Variants in FOXP2 observed in about 807,000 individuals in gnomAD.
The protein encoded by FOXP2 is forkhead box protein P2.
FOXP2 carries 12 observed loss-of-function variants against 115.8 expected under a neutral mutation model. The ratio of observed to expected loss-of-function variants is 0.10; its 90% CI spans 0.07 to 0.17. FOXP2 has a LOEUF of 0.17. Ranked by LOEUF, FOXP2 falls within the 10% of genes least tolerant of loss-of-function variation. FOXP2 has a pLI of 1.00. For synonymous variants in FOXP2, 328 were observed against 297.7 expected (o/e 1.10, Z -1.05); for missense variants, 629 against 843.5 (o/e 0.75, Z 3.15).
intron 3 of FOXP2, among the ~76,000 whole-genome samples, chr7:114,574,521 G>C (rs952746860): frequency 9.2e-5 from 14 of 151,666 alleles, no homozygotes; most frequent in Non-Finnish European, 1.5e-4. Flanking sequence ...TTACAAATGA[G>C]TAACTCTGCC....
At chr7:114,645,801 C>G (rs1287895562) in intron 8 of FOXP2, 2 of 152,106 alleles carry the variant, frequency 1.3e-5, no homozygotes, top group Admixed American at 1.3e-4. Context: ...GGCACAAGTA[C>G]TTGGCATCAC....
At chr7:114,662,971 G>A (rs1806956514) in intron 14 of FOXP2, among the ~76,000 whole-genome samples, 1 of 152,014 alleles carries the variant, frequency 6.6e-6, no homozygotes, top group South Asian at 2.1e-4. Context: ...TCAAGTATGT[G>A]CTAATATCTG....
chr7:114,589,741 G>A (rs950433155), intron 3 of FOXP2, among the ~76,000 whole-genome samples: 1 of 152,138 alleles, frequency 6.6e-6, no homozygotes, highest in Admixed American at 6.5e-5. Flanking sequence ...TAATTCCCCT[G>A]ATGATTGTAC....
chr7:114,145,432 T>TTTTCTTTTTTCTTTTCC (rs1792338962), intron 1 of FOXP2, among the ~76,000 whole-genome samples: 1 of 25,862 alleles, frequency 3.9e-5, no homozygotes, highest in Non-Finnish European at 7.1e-5. Flanking sequence ...CTTTGCCATT[T>TTTTCTTTTTTCTTTTCC]TTTCTTTTCT....
chr7:114,475,967 C>G (rs995927814), intron 2 of FOXP2, among the ~76,000 whole-genome samples: 1 of 151,868 alleles, frequency 6.6e-6, no homozygotes, highest in Non-Finnish European at 1.5e-5. Flanking sequence ...TATACATGTA[C>G]CCCCTATATC....
At chr7:114,285,021 C>T (rs995458269) in intron 1 of FOXP2, among the ~76,000 whole-genome samples, 2 of 152,030 alleles carry the variant, frequency 1.3e-5, no homozygotes, top group African/African-American at 4.8e-5. Context: ...ATACTGCGGC[C>T]TACCAAAGGG....
chr7:114,608,919 C>T (rs954043473), intron 3 of FOXP2, among the ~76,000 whole-genome samples: 1 of 152,074 alleles, frequency 6.6e-6, no homozygotes, highest in Non-Finnish European at 1.5e-5. Flanking sequence ...AAACCTTCAG[C>T]TGGGTGCGGT....
intron 2 of FOXP2, among the ~76,000 whole-genome samples, chr7:114,396,489 C>G (rs1357735677): frequency 6.6e-6 from 1 of 152,046 alleles, no homozygotes; most frequent in Non-Finnish European, 1.5e-5. Flanking sequence ...ATACTGATTT[C>G]ATTTTCTTTG....
intron 1 of FOXP2, among the ~76,000 whole-genome samples, chr7:114,221,459 C>G (rs1422570453): frequency 6.6e-6 from 1 of 152,008 alleles, no homozygotes; most frequent in Admixed American, 6.6e-5. Flanking sequence ...TACTTAGATC[C>G]AAAAGAGCCA....
chr7:114,630,200 C>A (rs982932460), intron 5 of FOXP2, among the ~76,000 whole-genome samples, 195 bp downstream of exon 5: 1 of 152,140 alleles, frequency 6.6e-6, no homozygotes. Context: ...TTGAGAGTTA[C>A]AATCTAATGC....
rs142018310 is a variant in FOXP2 at position 114,227,700 on chromosome 7, TGAG to T, written c.-101-60317_-101-60315del. 2.7e-3 allele frequency among the ~76,000 whole-genome samples: 410 copies of T among 152,156 alleles called. 2 individuals carry two copies. Among genetic ancestry groups the T allele is most frequent in the African/African-American group, 9.5e-3 (394 of 41,558 alleles). ...TTTCTACCCTATTTCAAAAAAGATT[TGAG>T]GTAGTATACACCTTATTTCTGCTCA... On this transcript the variant is annotated intron_variant, in intron 1 of 17. Transcript: ENST00000634411.
At chr7:114,266,979 A>G (rs1232191599) in intron 1 of FOXP2, among the ~76,000 whole-genome samples, 1 of 152,234 alleles carries the variant, frequency 6.6e-6, no homozygotes, top group East Asian at 1.9e-4. Context: ...TCATCTTACA[A>G]CATGTTATAA....
chr7:114,561,886 C>G (rs1358177151), intron 3 of FOXP2, among the ~76,000 whole-genome samples: 1 of 152,064 alleles, frequency 6.6e-6, no homozygotes. Flanking sequence ...AACTCCTGGG[C>G]TCAAGTCATT....
chr7:114,343,565 T>A (rs556969003), intron 2 of FOXP2, among the ~76,000 whole-genome samples: 2 of 151,746 alleles, frequency 1.3e-5, no homozygotes, highest in South Asian at 4.1e-4. Flanking sequence ...CAATAATGAT[T>A]TATATTATGC....
At chr7:114,619,314 G>A (rs928701866) in intron 3 of FOXP2, among the ~76,000 whole-genome samples, 1 of 151,956 alleles carries the variant, frequency 6.6e-6, no homozygotes, top group African/African-American at 2.4e-5. Flanking sequence ...AAACCAAAAC[G>A]GGCATATTTT....
At chr7:114,518,531 G>T (rs1188351009) in intron 2 of FOXP2, among the ~76,000 whole-genome samples, 3 of 151,288 alleles carry the variant, frequency 2.0e-5, no homozygotes, top group African/African-American at 7.3e-5. Flanking sequence ...TTTTGAGATG[G>T]AGTCTCTGTT....
chr7:114,544,404 C>G (rs1182993296), intron 3 of FOXP2, among the ~76,000 whole-genome samples: 1 of 151,992 alleles, frequency 6.6e-6, no homozygotes, highest in Admixed American at 6.6e-5. Context: ...TTTGATTGTG[C>G]CTATTTTTAC....
chr7:114,228,319 A>G (rs1037917340), intron 1 of FOXP2, among the ~76,000 whole-genome samples: 3 of 152,100 alleles, frequency 2.0e-5, no homozygotes, highest in Admixed American at 2.0e-4. Context: ...CTTTAACAGT[A>G]TTACTCCGTG....
At chr7:114,238,002 A>G (rs1340676222) in intron 1 of FOXP2, among the ~76,000 whole-genome samples, 3 of 152,158 alleles carry the variant, frequency 2.0e-5, no homozygotes, top group Non-Finnish European at 4.4e-5. Flanking sequence ...ACTAACAAAC[A>G]CACACACAAA....
Sources: gnomAD v4.1 joint callset for allele counts (sites outside exome capture counted in the v4.1 genomes callset) on GRCh38, gnomAD v4.1.1 for gene constraint, MANE v1.5 for transcripts, NCBI Gene and HGNC (gene_info 2026-07-23, HGNC 2026-07-21) for gene names.